The following THSD4 variants were observed in gnomAD, a reference collection of about 807,000 sequenced individuals.
The protein encoded by THSD4 is thrombospondin type-1 domain-containing protein 4.
Under a neutral mutation model 119.0 loss-of-function variants are expected in THSD4, and 69 were observed. The ratio of observed to expected loss-of-function variants is 0.58; its 90% CI spans 0.48 to 0.71. THSD4 has a LOEUF of 0.71. Ranked by LOEUF, THSD4 falls within the 30% of genes least tolerant of loss-of-function variation. The probability of loss-of-function intolerance (pLI) is 0.00; values close to 1 mark genes in which losing one functional copy is unlikely to be tolerated. For missense variants in THSD4, 1,393 were observed against 1,391.1 expected, an observed-to-expected ratio of 1.00 and a Z score of -0.02; for synonymous variants, 524 against 540.4, an observed-to-expected ratio of 0.97 and a Z score of 0.42.
chr15:71,117,274 C>T (rs1022212084), intron 1 of THSD4, among the ~76,000 whole-genome samples: 5 of 152,046 alleles, frequency 3.3e-5, no homozygotes, highest in South Asian at 2.1e-4. Flanking sequence ...TGGCTGTTAG[C>T]GAAAGAAAAA....
chr15:71,254,001 C>T (rs775227452), intron 5 of THSD4, among the ~76,000 whole-genome samples: 12 of 152,184 alleles, frequency 7.9e-5, no homozygotes, highest in Non-Finnish European at 1.2e-4. Context: ...GCCTATTAGC[C>T]ATTTTACTCA....
intron 7 of THSD4, among the ~76,000 whole-genome samples, chr15:71,628,024 G>A (rs1595802886): frequency 6.6e-6 from 1 of 152,316 alleles, no homozygotes; most frequent in East Asian, 1.9e-4. Context: ...CAGAGTTTGG[G>A]TGCCCCAGAG....
In THSD4 at chr15:71,279,591, G is replaced by T. The variant is rs531158232; in HGVS notation, c.1015+22876G>T. Among the ~76,000 whole-genome samples, 7 of 152,168 alleles carry T rather than the reference G, an allele frequency of 4.6e-5. No individual in the cohort carries two copies. The South Asian group carries it at 1.4e-3, about 32-fold the overall frequency. ...CATCTCCAGGAGGGAAGTGTGGAGG[G>T]TGCCTGGGGCATCCGTACCGCCCTG... On this transcript the variant is annotated intron_variant, in intron 6 of 17. Coordinates refer to ENST00000261862, the MANE Select transcript of THSD4 (RefSeq NM_024817.3).
In THSD4 at chr15:71,777,536, G is replaced by C; in HGVS notation, c.*162G>C. On this transcript the variant is annotated 3_prime_UTR_variant, in exon 18 of 18. Coordinates refer to ENST00000261862, the MANE Select transcript of THSD4 (RefSeq NM_024817.3). ...CGGTGAATGCACCCCGTGGTACCCA[G>C]GGGCTTTTTACACAAGATGTTTGAA... 2 of 962,506 alleles carry C rather than the reference G, an allele frequency of 2.1e-6. No homozygotes were observed. The highest frequency in any genetic ancestry group is 3.0e-6 in the Non-Finnish European group (2 of 665,814). The allele number at this position is 962,506 out of a possible 1,614,324, so 59.6% of individuals were successfully genotyped here. A position where few individuals can be genotyped will look rare whatever the true frequency, so the allele number is the denominator to read the frequency against.
chr15:71,194,207 A>G (rs2043700750), intron 3 of THSD4, among the ~76,000 whole-genome samples: 1 of 152,190 alleles, frequency 6.6e-6, no homozygotes, highest in South Asian at 2.1e-4. Flanking sequence ...AGCAGCTTTA[A>G]AAAGGACTAA....
intron 7 of THSD4, among the ~76,000 whole-genome samples, chr15:71,485,840 T>C (rs12915131): frequency 0.93 from 141,405 of 152,290 alleles, 65,962 homozygotes; most frequent in Non-Finnish European, 0.97. Flanking sequence ...TTTGTGGTCA[T>C]ACTTAGTTAT....
At position 71,523,574 on chromosome 15, in the gene THSD4, A is replaced by G. The variant is rs544494261; in HGVS notation, c.1152+111751A>G. On this transcript the variant is annotated intron_variant, in intron 7 of 17. Coordinates refer to ENST00000261862, the MANE Select transcript of THSD4 (RefSeq NM_024817.3). ...CCTACTGCAATGATGCTGATGTATT[A>G]GGAAGATGGTTTGACAGGGGGAGTG... Among the ~76,000 whole-genome samples the G allele has an allele frequency of 1.3e-3, 191 of 152,296 alleles. 7 individuals are homozygous for G. The South Asian group carries it at 0.038, about 31-fold the overall frequency.
At chr15:71,301,299 T>C (rs1346484063) in intron 6 of THSD4, among the ~76,000 whole-genome samples, 2 of 152,262 alleles carry the variant, frequency 1.3e-5, no homozygotes, top group Non-Finnish European at 2.9e-5. Context: ...TTTAACAATA[T>C]GTTGTAAACA....
At chr15:71,569,566 A>G (rs1169134414) in intron 7 of THSD4, among the ~76,000 whole-genome samples, 1 of 152,262 alleles carries the variant, frequency 6.6e-6, no homozygotes. Context: ...GGTAGAAAAA[A>G]TAGGACATGA....
rs143385360 is a variant in THSD4, at chr15:71,104,992, T to A, written c.-80+7986T>A. Reference sequence around the variant, plus strand: ...AGTCTGTTTTGTTAGTCTTATGGTCTGTATTTTAATATTAATGGTGGTCAG... The same window carrying A: ...AGTCTGTTTTGTTAGTCTTATGGTCAGTATTTTAATATTAATGGTGGTCAG... On this transcript the variant is annotated intron_variant, in intron 1 of 17. Transcript: ENST00000355327. 1.4e-4 allele frequency among the ~76,000 whole-genome samples: 21 copies of A among 152,298 alleles called. No individual in the cohort carries two copies. The East Asian group carries it at 3.9e-3, about 28-fold the overall frequency.
chr15:71,674,365 A>G (rs764464510), intron 8 of THSD4, among the ~76,000 whole-genome samples: 19 of 152,228 alleles, frequency 1.2e-4, no homozygotes, highest in Non-Finnish European at 2.6e-4. Flanking sequence ...CCCCATAGGC[A>G]AAATAGGAAA....
intron 7 of THSD4, among the ~76,000 whole-genome samples, chr15:71,501,292 T>C (rs2048109520): frequency 6.6e-6 from 1 of 152,246 alleles, no homozygotes; most frequent in African/African-American, 2.4e-5. Flanking sequence ...TATATGATTA[T>C]TTTCAGTATA....
chr15:71,517,035 A>C (rs535270456), intron 7 of THSD4, among the ~76,000 whole-genome samples: 5 of 152,366 alleles, frequency 3.3e-5, no homozygotes, highest in African/African-American at 1.2e-4. Context: ...GACTCTTCCT[A>C]AGGTTTGTCC....
intron 7 of THSD4, among the ~76,000 whole-genome samples, chr15:71,656,192 A>G (rs1308924881): frequency 6.6e-6 from 1 of 152,214 alleles, no homozygotes; most frequent in African/African-American, 2.4e-5. Context: ...CATCTAAAAG[A>G]TAACAAATAC....
chr15:71,684,920 T>A (rs1430839649), intron 8 of THSD4, among the ~76,000 whole-genome samples: 5 of 152,162 alleles, frequency 3.3e-5, no homozygotes, highest in African/African-American at 1.2e-4. Context: ...TCTATGGCTG[T>A]GAGTCTACTA....
chr15:71,399,375 A>C (rs1048830636), intron 6 of THSD4, among the ~76,000 whole-genome samples: 2 of 152,222 alleles, frequency 1.3e-5, no homozygotes, highest in Non-Finnish European at 2.9e-5. Flanking sequence ...TTACATCCTA[A>C]TGCCTGCTAA....
At chr15:71,170,035 A>G (rs1283533512) in intron 3 of THSD4, among the ~76,000 whole-genome samples, 1 of 152,208 alleles carries the variant, frequency 6.6e-6, no homozygotes, top group Non-Finnish European at 1.5e-5. Context: ...TTAGCCAGGC[A>G]TGATGGTGAG....
intron 7 of THSD4, among the ~76,000 whole-genome samples, chr15:71,486,381 G>A (rs1217417283): frequency 1.3e-5 from 2 of 152,190 alleles, no homozygotes; most frequent in African/African-American, 4.8e-5. Context: ...TGGGAATGAT[G>A]ATTTTACCCC....
At chr15:71,107,013 G>T (rs2040276877) in intron 1 of THSD4, among the ~76,000 whole-genome samples, 1 of 152,178 alleles carries the variant, frequency 6.6e-6, no homozygotes, top group Admixed American at 6.5e-5. Context: ...CCACAACCAT[G>T]CCCTCTAAAA....
Sources: gnomAD v4.1 joint callset for allele counts (sites outside exome capture counted in the v4.1 genomes callset) on GRCh38, gnomAD v4.1.1 for gene constraint, MANE v1.5 for transcripts, NCBI Gene and HGNC (gene_info 2026-07-23, HGNC 2026-07-21) for gene names.